The following TENM2 variants were observed in gnomAD, a reference collection of about 807,000 sequenced individuals.
TENM2 encodes the protein teneurin-2.
A neutral mutation model predicts 245.2 loss-of-function variants in TENM2; 52 were observed. The ratio of observed to expected loss-of-function variants is 0.21; its 90% CI spans 0.17 to 0.27. The LOEUF is 0.27. TENM2 is among the 10% of genes least tolerant of loss of function. The pLI is 1.00. For missense variants in TENM2, 3,046 were observed against 3,666.8 expected (o/e 0.83, Z 4.37); for synonymous variants, 1,363 against 1,438.9 (o/e 0.95, Z 1.19).
the TENM2 span, among the ~76,000 whole-genome samples, chr5:167,196,516 GTA>G: frequency 3.9e-4 from 55 of 141,592 alleles, no homozygotes; most frequent in Middle Eastern, 3.6e-3. Flanking sequence ...ATATGTGTGT[GTA>G]TATATATATG....
chr5:167,825,030 T>C (rs1236127705), intron 2 of TENM2, among the ~76,000 whole-genome samples: 1 of 151,894 alleles, frequency 6.6e-6, no homozygotes, highest in African/African-American at 2.4e-5. Context: ...AGAGTGTGTT[T>C]GGAGACAAAT....
chr5:168,128,260 C>T (rs910509600), intron 12 of TENM2, among the ~76,000 whole-genome samples: 2 of 152,218 alleles, frequency 1.3e-5, no homozygotes, highest in African/African-American at 4.8e-5. Flanking sequence ...ATCCTCAGTT[C>T]CCTGCAGAGT....
the TENM2 span, among the ~76,000 whole-genome samples, chr5:167,234,348 CT>C: frequency 1.1e-3 from 164 of 152,254 alleles, no homozygotes; most frequent in Middle Eastern, 3.4e-3. Context: ...TGAAGAACTT[CT>C]TTATGGTAAC....
At chr5:168,010,644 A>G (rs761148464) in intron 5 of TENM2, among the ~76,000 whole-genome samples, 1 of 152,244 alleles carries the variant, frequency 6.6e-6, no homozygotes, top group Non-Finnish European at 1.5e-5. Context: ...CATTTTTGTA[A>G]GTAAATGATG....
intron 13 of TENM2, among the ~76,000 whole-genome samples, chr5:168,174,574 T>A (rs1759167402): frequency 6.6e-6 from 1 of 152,186 alleles, no homozygotes; most frequent in Non-Finnish European, 1.5e-5. Context: ...CCCAAGAATG[T>A]GCATTTCTCA....
chr5:167,947,681 A>C (rs1779744209), intron 3 of TENM2, among the ~76,000 whole-genome samples: 1 of 152,170 alleles, frequency 6.6e-6, no homozygotes, highest in Admixed American at 6.5e-5. Flanking sequence ...CTCCTCTTTT[A>C]GAAACTTTAA....
chr5:168,121,227 G>A (rs976120953), intron 10 of TENM2, among the ~76,000 whole-genome samples: 1 of 152,168 alleles, frequency 6.6e-6, no homozygotes, highest in African/African-American at 2.4e-5. Context: ...AGCTGCCAGG[G>A]GGCTGATGTT....
intron 2 of TENM2, among the ~76,000 whole-genome samples, chr5:167,632,520 A>G (rs1237592761): frequency 6.6e-6 from 1 of 152,044 alleles, no homozygotes. Context: ...AAATCTACCC[A>G]GTTGAGAGAC....
At chr5:167,721,718 A>C (rs1469511296) in intron 2 of TENM2, among the ~76,000 whole-genome samples, 2 of 152,174 alleles carry the variant, frequency 1.3e-5, no homozygotes, top group African/African-American at 4.8e-5. Flanking sequence ...AGGGCTCTTA[A>C]CCTTAATCAC....
intron 3 of TENM2, among the ~76,000 whole-genome samples, chr5:167,933,437 T>C (rs1778441196): frequency 6.6e-6 from 1 of 152,210 alleles, no homozygotes; most frequent in Admixed American, 6.5e-5. Flanking sequence ...CACAGCTATA[T>C]GACTGCATAG....
intron 2 of TENM2, among the ~76,000 whole-genome samples, chr5:167,737,724 G>A (rs1458657930): frequency 6.6e-6 from 1 of 152,206 alleles, no homozygotes; most frequent in Admixed American, 6.5e-5. Flanking sequence ...GGCTGTTGAT[G>A]TAGCACTGCC....
intron 17 of TENM2, 146 bp from the exon 20 acceptor site, chr5:168,203,543 C>T (rs1202003850): frequency 7.1e-6 from 5 of 702,778 alleles, no homozygotes; most frequent in Admixed American, 3.4e-5. Flanking sequence ...AGGAGAAAAG[C>T]AATCAGCCTG....
At chr5:167,701,486 C>T (rs1016768528) in intron 2 of TENM2, among the ~76,000 whole-genome samples, 5 of 151,920 alleles carry the variant, frequency 3.3e-5, no homozygotes, top group African/African-American at 9.7e-5. Context: ...TACCTTCTCA[C>T]GTTCCAGTGA....
At chr5:167,621,326 A>G (rs1418764758) in intron 2 of TENM2, among the ~76,000 whole-genome samples, 1 of 152,192 alleles carries the variant, frequency 6.6e-6, no homozygotes, top group Non-Finnish European at 1.5e-5. Context: ...GAGTTGTCAG[A>G]GAAAGCTGTA....
intron 2 of TENM2, among the ~76,000 whole-genome samples, chr5:167,726,849 A>C (rs1274882029): frequency 2.0e-5 from 3 of 152,178 alleles, no homozygotes; most frequent in Admixed American, 2.0e-4. Flanking sequence ...TAATGGCCAC[A>C]GATGCCTGCA....
At chr5:167,968,064 T>A (rs1345572119) in intron 4 of TENM2, among the ~76,000 whole-genome samples, 1 of 152,188 alleles carries the variant, frequency 6.6e-6, no homozygotes, top group East Asian at 1.9e-4. Context: ...CCTTATTTGC[T>A]TTTGTGAGTT....
At chr5:167,071,255 A>T in the TENM2 span, among the ~76,000 whole-genome samples, 1 of 152,332 alleles carries the variant, frequency 6.6e-6, no homozygotes, top group Non-Finnish European at 1.5e-5. Flanking sequence ...TGTGGCTCTT[A>T]ATAGCATTAC....
At chr5:168,073,803 C>T (rs929146865) in intron 7 of TENM2, among the ~76,000 whole-genome samples, 2 of 152,242 alleles carry the variant, frequency 1.3e-5, no homozygotes, top group African/African-American at 4.8e-5. Flanking sequence ...GAAGGGTCAA[C>T]ATTCCCTGAA....
At chr5:167,435,913 T>C (rs2127450910) in intron 2 of TENM2, among the ~76,000 whole-genome samples, 1 of 151,924 alleles carries the variant, frequency 6.6e-6, no homozygotes, top group South Asian at 2.1e-4. Context: ...TCTGTGGAAC[T>C]TTGAACTTGA....
Sources: allele counts gnomAD v4.1 joint callset (sites outside exome capture counted in the v4.1 genomes callset), GRCh38; gene constraint gnomAD v4.1.1; transcripts MANE v1.5; gene names NCBI Gene and HGNC (gene_info 2026-07-23, HGNC 2026-07-21).